NALF1: variants seen among roughly 807,000 people sequenced by gnomAD.
NALF1 encodes the protein NALCN channel auxiliary factor 1.
In NALF1, 3 loss-of-function variants were observed where a neutral mutation model predicts 48.4. The ratio of observed to expected loss-of-function variants is 0.06; its 90% confidence interval spans 0.03 to 0.16. The LOEUF (loss-of-function observed/expected upper bound fraction) is 0.16. NALF1 is among the 10% of genes least tolerant of loss of function. The pLI is 1.00. For missense variants in NALF1, 526 were observed against 571.5 expected (o/e 0.92, Z 0.81); for synonymous variants, 262 against 245.7 (o/e 1.07, Z -0.62).
chr13:107,804,416 T>TC (rs1441589492), intron 1 of NALF1, among the ~76,000 whole-genome samples: 1 of 151,950 alleles, frequency 6.6e-6, no homozygotes, highest in African/African-American at 2.4e-5. Flanking sequence ...TTTTTTTTTT[T>TC]TCTCTGAGAA....
chr13:107,794,255 GC>G, intron 1 of NALF1, among the ~76,000 whole-genome samples: 1 of 152,234 alleles, frequency 6.6e-6, no homozygotes. Context: ...CAACATGAAA[GC>G]CCCTGGTTAC....
intron 1 of NALF1, among the ~76,000 whole-genome samples, chr13:107,361,335 G>T (rs958360218): frequency 6.6e-6 from 1 of 152,140 alleles, no homozygotes; most frequent in Non-Finnish European, 1.5e-5. Flanking sequence ...AAACTTGACT[G>T]GCTCAGGAAA....
chr13:107,771,761 G>A lies in NALF1; in HGVS notation c.915+93921C>T, dbSNP rs756424010. ...AAAGCATTTCTTTTCTTTTTTTGACGGAGTCTCGCTCTATCGCCAGGCTGG... is the reference window on the plus strand; with the variant it reads ...AAAGCATTTCTTTTCTTTTTTTGACAGAGTCTCGCTCTATCGCCAGGCTGG... On this transcript the variant is annotated intron_variant, in intron 1 of 2. Transcript: ENST00000375915. Among the ~76,000 whole-genome samples, 11 of 151,984 alleles carry A rather than the reference G, an allele frequency of 7.2e-5. 1 individual carries two copies. The highest frequency in any genetic ancestry group is 3.9e-4 in the Admixed American group (6 of 15,268).
At chr13:107,786,480 T>C (rs545434833) in intron 1 of NALF1, among the ~76,000 whole-genome samples, 1 of 145,882 alleles carries the variant, frequency 6.9e-6, no homozygotes, top group South Asian at 2.2e-4. Context: ...TCCCAACACT[T>C]TGGGAGTCTG....
chr13:107,485,002 T>C (rs1318652856), intron 1 of NALF1, among the ~76,000 whole-genome samples: 2 of 152,160 alleles, frequency 1.3e-5, no homozygotes, highest in African/African-American at 4.8e-5. Context: ...TATCAAATTC[T>C]GCTTGTGTTT....
intron 1 of NALF1, among the ~76,000 whole-genome samples, chr13:107,317,495 A>G (rs1882173147): frequency 6.6e-6 from 1 of 152,064 alleles, no homozygotes; most frequent in Admixed American, 6.6e-5. Flanking sequence ...CCTGGGAATA[A>G]TCTTTAGATG....
At chr13:107,301,743 A>G (rs979403235) in intron 1 of NALF1, among the ~76,000 whole-genome samples, 2 of 152,196 alleles carry the variant, frequency 1.3e-5, no homozygotes, top group Non-Finnish European at 2.9e-5. Flanking sequence ...ATAATGGTCT[A>G]TATTTGATAT....
At chr13:107,613,549 A>G (rs1157187555) in intron 1 of NALF1, among the ~76,000 whole-genome samples, 1 of 152,188 alleles carries the variant, frequency 6.6e-6, no homozygotes, top group Non-Finnish European at 1.5e-5. Context: ...ATAGCTCTGT[A>G]CTTCTAGATT....
chr13:107,390,619 A>G (rs540874032), intron 1 of NALF1, among the ~76,000 whole-genome samples: 1 of 152,188 alleles, frequency 6.6e-6, no homozygotes, highest in Non-Finnish European at 1.5e-5. Context: ...GCCCAGTGGT[A>G]TTTTACTTGA....
At chr13:107,430,214 G>T (rs2139016143) in intron 1 of NALF1, among the ~76,000 whole-genome samples, 1 of 152,156 alleles carries the variant, frequency 6.6e-6, no homozygotes, top group African/African-American at 2.4e-5. Context: ...TAGTGAAAAA[G>T]GCAGAAAATT....
chr13:107,676,614 TAATTAATTA>T (rs1374818254), intron 1 of NALF1, among the ~76,000 whole-genome samples: 101 of 145,796 alleles, frequency 6.9e-4, no homozygotes, highest in African/African-American at 2.0e-3. Flanking sequence ...TTAATTAATT[TAATTAATTA>T]AATTAAATTG....
chr13:107,771,503 T>G (rs117553540), intron 1 of NALF1, among the ~76,000 whole-genome samples: 11,262 of 144,164 alleles, frequency 0.078, 489 homozygotes, highest in African/African-American at 0.11. Context: ...ATATAAAATC[T>G]ATAATATGTA....
At chr13:107,457,443 AAC>A (rs1158111471) in intron 1 of NALF1, among the ~76,000 whole-genome samples, 1 of 152,200 alleles carries the variant, frequency 6.6e-6, no homozygotes, top group Non-Finnish European at 1.5e-5. Flanking sequence ...TGTGTCTACA[AAC>A]ACAGTGCAGA....
chr13:107,183,613 G>T (rs754024641), intron 2 of NALF1, among the ~76,000 whole-genome samples: 9 of 152,154 alleles, frequency 5.9e-5, no homozygotes, highest in Non-Finnish European at 7.3e-5. Context: ...TCAGTGATAG[G>T]CTGGATAAAG....
At chr13:107,681,204 T>A (rs930403913) in intron 1 of NALF1, among the ~76,000 whole-genome samples, 1 of 152,152 alleles carries the variant, frequency 6.6e-6, no homozygotes, top group Non-Finnish European at 1.5e-5. Flanking sequence ...CGGAAATATG[T>A]CTTTGAAGCC....
chr13:107,333,682 G>A (rs992857363), intron 1 of NALF1, among the ~76,000 whole-genome samples: 1 of 152,192 alleles, frequency 6.6e-6, no homozygotes, highest in East Asian at 1.9e-4. Flanking sequence ...TCATATACTT[G>A]AGCTGTTTTA....
chr13:107,338,425 A>C (rs8181804), intron 1 of NALF1, among the ~76,000 whole-genome samples: 3,173 of 31,992 alleles, frequency 0.099, 174 homozygotes, highest in East Asian at 0.41. Context: ...CTTTCTCAAC[A>C]AAAAAATAGT....
chr13:107,855,443 C>A (rs1273736502), intron 1 of NALF1, among the ~76,000 whole-genome samples: 1 of 152,164 alleles, frequency 6.6e-6, no homozygotes, highest in Non-Finnish European at 1.5e-5. Context: ...TCCAATGTGG[C>A]CCCCAGAAGC....
chr13:107,501,676 A>G (rs531068724), intron 1 of NALF1, among the ~76,000 whole-genome samples: 2 of 152,318 alleles, frequency 1.3e-5, no homozygotes, highest in East Asian at 1.9e-4. Context: ...ATGGTTTAAG[A>G]AGGCTAAATA....
Sources: allele counts gnomAD v4.1 joint callset (sites outside exome capture counted in the v4.1 genomes callset), GRCh38; gene constraint gnomAD v4.1.1; transcripts MANE v1.5; gene names NCBI Gene and HGNC (gene_info 2026-07-23, HGNC 2026-07-21).